Variants in DLG2 observed in about 807,000 individuals in gnomAD.
DLG2 encodes the protein disks large homolog 2.
A neutral mutation model predicts 132.5 loss-of-function variants in DLG2; 45 were observed. That is an observed-to-expected ratio of 0.34 (90% CI 0.27 to 0.44). DLG2 has a LOEUF of 0.44. DLG2 is among the 20% of genes least tolerant of loss of function. The pLI, the probability that DLG2 is intolerant of heterozygous loss-of-function variation, is 1.00. For missense variants in DLG2, 1,045 were observed against 1,196.9 expected, an observed-to-expected ratio of 0.87 and a Z score of 1.87; for synonymous variants, 424 against 419.6, an observed-to-expected ratio of 1.01 and a Z score of -0.13.
intron 6 of DLG2, among the ~76,000 whole-genome samples, chr11:84,775,869 T>C (rs2153897511): frequency 6.6e-6 from 1 of 152,296 alleles, no homozygotes; most frequent in East Asian, 1.9e-4. Context: ...AGCTTGCCCA[T>C]GTACCCGCAG....
At chr11:84,837,193 T>G (rs2079929170) in intron 6 of DLG2, among the ~76,000 whole-genome samples, 1 of 151,888 alleles carries the variant, frequency 6.6e-6, no homozygotes, top group African/African-American at 2.4e-5. Context: ...AAAAACTTTT[T>G]TCAAATGGAA....
chr11:85,152,470 C>T (rs145368801), intron 5 of DLG2, among the ~76,000 whole-genome samples: 3,150 of 152,204 alleles, frequency 0.021, 57 homozygotes, highest in Admixed American at 0.037. Flanking sequence ...AACTCGTGGC[C>T]TCAAGTGATC....
At chr11:85,204,015 G>A (rs1190326343) in intron 4 of DLG2, among the ~76,000 whole-genome samples, 1 of 152,008 alleles carries the variant, frequency 6.6e-6, no homozygotes, top group Non-Finnish European at 1.5e-5. Context: ...TTAACCAACT[G>A]GGTATAGAAG....
chr11:85,131,552 CA>C (rs2075711657), intron 5 of DLG2, among the ~76,000 whole-genome samples: 1 of 152,050 alleles, frequency 6.6e-6, no homozygotes, highest in African/African-American at 2.4e-5. Context: ...TGGAATACTG[CA>C]TGAGATGTTT....
chr11:84,217,345 C>T (rs762012331), intron 8 of DLG2, among the ~76,000 whole-genome samples: 21 of 152,076 alleles, frequency 1.4e-4, no homozygotes, highest in Non-Finnish European at 1.5e-4. Flanking sequence ...GTGCTATTCT[C>T]GTGATAGTGA....
rs541561473 is a variant in DLG2 at position 83,639,511 on chromosome 11, A to G, written c.1826-6186T>C. ...TCTCAGCAAACTATCGCAAGGACAA[A>G]AAACCAAACACCGCATGTTCTCACT... On this transcript the variant is annotated intron_variant, in intron 18 of 27. Transcript: ENST00000376104. Among the ~76,000 whole-genome samples the G allele has an allele frequency of 3.9e-5, 6 of 152,070 alleles. No individual in the cohort carries two copies. In the East Asian group the frequency reaches 1.2e-3, roughly 30 times the overall value.
intron 5 of DLG2, among the ~76,000 whole-genome samples, chr11:85,147,737 C>A (rs550222619): frequency 2.6e-5 from 4 of 151,820 alleles, no homozygotes; most frequent in South Asian, 2.1e-4. Context: ...GGTCAATATT[C>A]TTTTATTTTA....
At chr11:85,411,259 AG>A (rs1420237467) in intron 3 of DLG2, among the ~76,000 whole-genome samples, 1 of 151,850 alleles carries the variant, frequency 6.6e-6, no homozygotes, top group African/African-American at 2.4e-5. Flanking sequence ...AAGAAAAATA[AG>A]GACAAAAAAG....
intron 6 of DLG2, among the ~76,000 whole-genome samples, chr11:84,710,401 G>A (rs906208523): frequency 6.6e-6 from 1 of 151,892 alleles, no homozygotes; most frequent in African/African-American, 2.4e-5. Flanking sequence ...TTCTCCAAAT[G>A]GAGATTTTCA....
intron 6 of DLG2, among the ~76,000 whole-genome samples, chr11:84,669,006 G>T (rs765944320): frequency 9.9e-5 from 15 of 152,042 alleles, no homozygotes; most frequent in African/African-American, 3.6e-4. Context: ...TTCAAATTGG[G>T]GGAGTATATA....
intron 21 of DLG2, chr11:83,486,319 TTTAAC>T: frequency 1.6e-6 from 1 of 633,856 alleles, no homozygotes; most frequent in African/African-American, 1.9e-5. Flanking sequence ...ATGTTAGACA[TTTAAC>T]TTCAACATCA....
intron 3 of DLG2, among the ~76,000 whole-genome samples, chr11:85,449,440 A>G (rs549296258): frequency 8.4e-4 from 127 of 151,620 alleles, no homozygotes; most frequent in Non-Finnish European, 1.4e-3. Context: ...TTAACCATCT[A>G]CTTTTTAGTT....
Position 85,487,865 on chromosome 11 carries a change from A to T in DLG2, c.40+110792T>A, listed in dbSNP as rs766104601. On this transcript the variant is annotated intron_variant, in intron 3 of 27. Coordinates refer to ENST00000376104, the MANE Select transcript of DLG2 (RefSeq NM_001142699.3). ...GATTTTGCCATGGCACATTATAATC[A>T]GACTGTCTAATATGGTTTGGCTCTG... Among the ~76,000 whole-genome samples the T allele has an allele frequency of 7.9e-5, 12 of 152,352 alleles. No individual in the cohort carries two copies. In the East Asian group the frequency reaches 1.5e-3, roughly 20 times the overall value.
At chr11:85,044,564 T>A (rs559715149) in intron 6 of DLG2, among the ~76,000 whole-genome samples, 196 of 152,182 alleles carry the variant, frequency 1.3e-3, no homozygotes, top group Non-Finnish European at 2.4e-3. Flanking sequence ...CAGAGTGTTA[T>A]TACAAAATAG....
chr11:83,806,137 C>T (rs1438231968), intron 17 of DLG2, among the ~76,000 whole-genome samples: 2 of 152,146 alleles, frequency 1.3e-5, no homozygotes, highest in Non-Finnish European at 2.9e-5. Context: ...CAGGTTCTAT[C>T]TTCCCAGACC....
intron 6 of DLG2, among the ~76,000 whole-genome samples, chr11:84,705,189 TG>T (rs1285863290): frequency 1.3e-5 from 2 of 151,660 alleles, no homozygotes; most frequent in Non-Finnish European, 3.0e-5. Context: ...ACACAGGGAC[TG>T]GGAATTCTAA....
rs116275052 is a variant in DLG2 at position 85,307,365 on chromosome 11, G to A, written c.41-22000C>T. Among the ~76,000 whole-genome samples the A allele has an allele frequency of 2.1e-3, 319 of 152,244 alleles. 1 individual carries two copies. Among genetic ancestry groups the A allele is most frequent in the African/African-American group, 7.5e-3 (312 of 41,552 alleles). ...CATAACATAGTTTGACAGACTGTAAGCGGTGGGAAAAAAAGAGAAAAAGAA... is the reference window on the plus strand; with the variant it reads ...CATAACATAGTTTGACAGACTGTAAACGGTGGGAAAAAAAGAGAAAAAGAA... On this transcript the variant is annotated intron_variant, in intron 3 of 27. Coordinates refer to ENST00000376104, the MANE Select transcript of DLG2 (RefSeq NM_001142699.3).
chr11:84,641,204 C>T (rs535268625), intron 6 of DLG2, among the ~76,000 whole-genome samples: 2 of 152,214 alleles, frequency 1.3e-5, no homozygotes, highest in Non-Finnish European at 2.9e-5. Context: ...GCTGCATATC[C>T]TTCAGCAAAT....
At chr11:84,133,257 A>G (rs1175305997) in intron 9 of DLG2, among the ~76,000 whole-genome samples, 1 of 152,072 alleles carries the variant, frequency 6.6e-6, no homozygotes, top group Admixed American at 6.6e-5. Flanking sequence ...CTTCAACAAA[A>G]CAAAATTCCA....
Sources: allele counts gnomAD v4.1 joint callset (sites outside exome capture counted in the v4.1 genomes callset), GRCh38; gene constraint gnomAD v4.1.1; transcripts MANE v1.5; gene names NCBI Gene and HGNC (gene_info 2026-07-23, HGNC 2026-07-21).